The following FSTL4 variants were observed in gnomAD, a reference collection of about 807,000 sequenced individuals.
FSTL4 encodes the protein follistatin like 4, also known as follistatin-related protein 4.
FSTL4 carries 28 observed loss-of-function variants against 78.2 expected under a neutral mutation model. That is an observed-to-expected ratio of 0.36 (90% CI 0.27 to 0.49). The LOEUF is 0.49. FSTL4 is among the 20% of genes least tolerant of loss of function. The probability of loss-of-function intolerance (pLI) is 0.98; values close to 1 mark genes in which losing one functional copy is unlikely to be tolerated. For missense variants in FSTL4, 922 were observed against 1,084.9 expected, an observed-to-expected ratio of 0.85 and a Z score of 2.11; for synonymous variants, 422 against 440.5, an observed-to-expected ratio of 0.96 and a Z score of 0.53.
rs569930051 is a variant in FSTL4, at chr5:133,314,676, T to C, written c.603+1783A>G. Among the ~76,000 whole-genome samples, 3 of 152,196 alleles carry C rather than the reference T, an allele frequency of 2.0e-5. No homozygotes were observed. In the South Asian group the frequency reaches 6.2e-4, roughly 32 times the overall value. On this transcript the variant is annotated intron_variant, in intron 5 of 15. Transcript: ENST00000265342. ...CCAGGGTTTCATCTCAGTTCCATCA[T>C]GTCCCAGGCAGTGAACAACTCAGGC...
intron 3 of FSTL4, among the ~76,000 whole-genome samples, chr5:133,523,226 A>G (rs1759021421): frequency 6.6e-6 from 1 of 152,168 alleles, no homozygotes; most frequent in South Asian, 2.1e-4. Flanking sequence ...CCCAGGAGAG[A>G]GGCCTCACCA....
the FSTL4 span, among the ~76,000 whole-genome samples, chr5:133,631,460 G>A: frequency 3.9e-5 from 6 of 152,116 alleles, no homozygotes; most frequent in South Asian, 4.2e-4. Context: ...ACCATTTCAC[G>A]CCAGTTAGAA....
rs1427828205 is a variant in FSTL4 at position 133,493,797 on chromosome 5, T to G, written c.160+73389A>C. On this transcript the variant is annotated intron_variant, in intron 3 of 15. Coordinates refer to ENST00000265342, the MANE Select transcript of FSTL4 (RefSeq NM_015082.2). Reference sequence around the variant, plus strand: ...GTCATATATTTAGAAAAATAAACATTTTCCCCAGTAATATTTTATTTTCTA... The same window carrying G: ...GTCATATATTTAGAAAAATAAACATGTTCCCCAGTAATATTTTATTTTCTA... 2.6e-5 allele frequency among the ~76,000 whole-genome samples: 4 copies of G among 152,172 alleles called. No individual in the cohort carries two copies. The East Asian group carries it at 7.7e-4, about 29-fold the overall frequency.
chr5:133,738,661 C>T, the FSTL4 span, among the ~76,000 whole-genome samples: 6 of 152,152 alleles, frequency 3.9e-5, no homozygotes, highest in Non-Finnish European at 8.8e-5. Flanking sequence ...TGCTTGCCAC[C>T]TCGTTTATCT....
intron 7 of FSTL4, among the ~76,000 whole-genome samples, chr5:133,237,313 G>A (rs1366744191): frequency 2.0e-5 from 3 of 152,152 alleles, no homozygotes; most frequent in Admixed American, 1.3e-4. Context: ...AGCCCATCGC[G>A]CATGGATTCC....
chr5:133,536,517 A>G (rs1192492566), intron 3 of FSTL4, among the ~76,000 whole-genome samples: 2 of 152,144 alleles, frequency 1.3e-5, no homozygotes, highest in African/African-American at 4.8e-5. Flanking sequence ...CTTTATTATT[A>G]TAATCAATGC....
At chr5:133,493,257 T>C (rs1758306017) in intron 3 of FSTL4, among the ~76,000 whole-genome samples, 1 of 152,192 alleles carries the variant, frequency 6.6e-6, no homozygotes, top group South Asian at 2.1e-4. Flanking sequence ...AATTTTATGT[T>C]GTAGGTTGAG....
At position 133,510,828 on chromosome 5, in the gene FSTL4, C is replaced by A. The variant is rs181689583; in HGVS notation, c.160+56358G>T. On this transcript the variant is annotated intron_variant, in intron 3 of 15. Coordinates refer to ENST00000265342, the MANE Select transcript of FSTL4 (RefSeq NM_015082.2). ...GGATCTGAGCGCAAGGCTAGAGCCA[C>A]AGCCGTGTCCCACTCGATAAGGTTT... is the stretch of plus-strand genomic sequence containing the variant. Among the ~76,000 whole-genome samples, 516 of 152,200 alleles carry A rather than the reference C, an allele frequency of 3.4e-3. 3 individuals are homozygous for A. Among genetic ancestry groups the A allele is most frequent in the African/African-American group, 0.012 (501 of 41,538 alleles).
chr5:133,743,628 G>A, the FSTL4 span, among the ~76,000 whole-genome samples: 4 of 152,222 alleles, frequency 2.6e-5, no homozygotes, highest in Admixed American at 6.5e-5. Context: ...AGATCTAATG[G>A]TAAATTCTCA....
chr5:133,267,222 G>A (rs895342186), intron 6 of FSTL4, among the ~76,000 whole-genome samples: 3 of 152,168 alleles, frequency 2.0e-5, no homozygotes, highest in Non-Finnish European at 4.4e-5. Context: ...GGTAGGGGGT[G>A]GTGAGGAGGC....
the FSTL4 span, among the ~76,000 whole-genome samples, chr5:133,836,346 T>A: frequency 9.5e-4 from 144 of 152,324 alleles, 1 homozygote; most frequent in African/African-American, 3.2e-3. Context: ...GTGCATACCC[T>A]ATATTGAGTG....
the FSTL4 span, among the ~76,000 whole-genome samples, chr5:133,655,998 C>T: frequency 2.6e-5 from 4 of 152,160 alleles, no homozygotes; most frequent in Admixed American, 6.5e-5. Context: ...TCCCAGAGCC[C>T]GCCCTCCAGG....
At chr5:133,374,721 T>C (rs1416200288) in intron 4 of FSTL4, among the ~76,000 whole-genome samples, 1 of 151,966 alleles carries the variant, frequency 6.6e-6, no homozygotes, top group African/African-American at 2.4e-5. Context: ...CAGGAAGAGA[T>C]GATCTCTCTC....
chr5:133,444,553 C>T (rs139996018), intron 3 of FSTL4, among the ~76,000 whole-genome samples: 95 of 152,324 alleles, frequency 6.2e-4, no homozygotes, highest in African/African-American at 2.2e-3. Context: ...GCTAGACCAA[C>T]GTGTGCCCCC....
the FSTL4 span, among the ~76,000 whole-genome samples, chr5:133,757,007 T>G: frequency 6.6e-6 from 1 of 152,152 alleles, no homozygotes; most frequent in Non-Finnish European, 1.5e-5. Flanking sequence ...CTCTTCTCTT[T>G]CAGTGAGAGC....
the FSTL4 span, among the ~76,000 whole-genome samples, chr5:133,767,135 T>C: frequency 6.6e-6 from 1 of 152,214 alleles, no homozygotes. Context: ...TCCTGAAGGC[T>C]ACCAGAGTTA....
At chr5:133,277,976 CTCAG>C (rs1752925174) in intron 6 of FSTL4, among the ~76,000 whole-genome samples, 1 of 152,134 alleles carries the variant, frequency 6.6e-6, no homozygotes, top group East Asian at 1.9e-4. Context: ...CTCTTCTGAG[CTCAG>C]TCCCGTGGCC....
the FSTL4 span, among the ~76,000 whole-genome samples, chr5:133,782,877 T>A: frequency 6.6e-6 from 1 of 152,164 alleles, no homozygotes; most frequent in Non-Finnish European, 1.5e-5. Context: ...AGAGCAAGCT[T>A]GGAATCAGAA....
the FSTL4 span, among the ~76,000 whole-genome samples, chr5:133,620,059 G>A: frequency 6.6e-6 from 1 of 151,974 alleles, no homozygotes; most frequent in Non-Finnish European, 1.5e-5. Flanking sequence ...ATTGTCTGAC[G>A]CATATGCTAA....
Sources: allele counts gnomAD v4.1 joint callset (sites outside exome capture counted in the v4.1 genomes callset), GRCh38; gene constraint gnomAD v4.1.1; transcripts MANE v1.5; gene names NCBI Gene and HGNC (gene_info 2026-07-23, HGNC 2026-07-21).